Variants in CNTRL observed in about 807,000 individuals in gnomAD.
The protein encoded by CNTRL is centriolin, also known as 110 kDa centrosomal protein.
CNTRL carries 233 observed loss-of-function variants against 303.7 expected under a neutral mutation model. The ratio of observed to expected loss-of-function variants is 0.77; its 90% CI spans 0.69 to 0.86. CNTRL has a LOEUF of 0.86. Ranked by LOEUF, CNTRL falls within the 40% of genes least tolerant of loss-of-function variation. CNTRL has a pLI of 0.00. For missense variants in CNTRL, 2,524 were observed against 2,650.6 expected (o/e 0.95, Z 1.05); for synonymous variants, 900 against 922.2 (o/e 0.98, Z 0.44).
At chr9:121,093,884 A>T (rs1486953936) in intron 4 of CNTRL, among the ~76,000 whole-genome samples, 3 of 152,254 alleles carry the variant, frequency 2.0e-5, no homozygotes, top group Non-Finnish European at 4.4e-5. Context: ...CAAGAGCATA[A>T]GTACTTGATT....
intron 16 of CNTRL, among the ~76,000 whole-genome samples, chr9:121,139,425 A>T (rs922737870): frequency 6.6e-6 from 1 of 152,168 alleles, no homozygotes; most frequent in African/African-American, 2.4e-5. Context: ...GTTCCAAAAA[A>T]AACTACGTAG....
chr9:121,122,873 G>C (rs551429386), intron 12 of CNTRL, among the ~76,000 whole-genome samples: 2 of 152,190 alleles, frequency 1.3e-5, no homozygotes, highest in African/African-American at 4.8e-5. Flanking sequence ...TTCCACCATG[G>C]GTTAAGTGTA....
At chr9:121,125,489 C>G (rs2050467215) in intron 13 of CNTRL, among the ~76,000 whole-genome samples, 1 of 152,128 alleles carries the variant, frequency 6.6e-6, no homozygotes, top group Non-Finnish European at 1.5e-5. Context: ...ATGAATCAGG[C>G]ATTTTATAAG....
At chr9:121,094,471 A>G (rs2132478102) in intron 4 of CNTRL, among the ~76,000 whole-genome samples, 1 of 152,310 alleles carries the variant, frequency 6.6e-6, no homozygotes, top group South Asian at 2.1e-4. Flanking sequence ...TAATCACCAC[A>G]TGAAGGTCTC....
intron 1 of CNTRL, among the ~76,000 whole-genome samples, chr9:121,078,459 C>T (rs540596572): frequency 6.6e-4 from 100 of 152,278 alleles, no homozygotes; most frequent in South Asian, 1.5e-3. Context: ...CTCAATTTCT[C>T]CCACTATACG....
At chr9:121,171,635 C>T in intron 40 of CNTRL, 87 bp downstream of exon 40, 1 of 1,361,190 alleles carries the variant, frequency 7.3e-7, no homozygotes, top group East Asian at 2.5e-5. Flanking sequence ...AATATCCCTT[C>T]TATAGTAGTA....
In CNTRL at chr9:121,141,471, A is replaced by C. The variant is rs1212233668; in HGVS notation, c.2574A>C (p.Arg858Ser). 1.2e-6 allele frequency: 2 copies of C among 1,614,112 alleles called. No individual in the cohort carries two copies. Among genetic ancestry groups the C allele is most frequent in the Admixed American group, 3.3e-5 (2 of 60,022 alleles). The change falls in exon 18 of 44, where the codon AGA becomes AGC. Residue 858 changes from arginine (R) to serine (S), a missense_variant. Physicochemically the swap from Arg to Ser is moderately radical, Grantham distance 110. Transcript: ENST00000373855. ...TTCTTGCACGCTCCAAGTGGGAAAG[A>C]GATGAAGCACAAGTTAGAGAGAGAA... ...SEILARSKWE[R>S]DEAQVRERKL...
intron 14 of CNTRL, among the ~76,000 whole-genome samples, chr9:121,130,329 A>G (rs1367796270): frequency 3.3e-5 from 5 of 152,088 alleles, no homozygotes; most frequent in Non-Finnish European, 5.9e-5. Context: ...GTCTATTCAG[A>G]GATTCAACTT....
intron 25 of CNTRL, 100 bp from the exon 26 acceptor site, chr9:121,152,385 T>G: frequency 1.1e-6 from 1 of 930,152 alleles, no homozygotes; most frequent in Non-Finnish European, 1.7e-6. Flanking sequence ...TTTGGGCCAT[T>G]GATACCACTT....
At chr9:121,132,523 G>C (rs991371252) in intron 14 of CNTRL, among the ~76,000 whole-genome samples, 5 of 152,088 alleles carry the variant, frequency 3.3e-5, no homozygotes, top group African/African-American at 1.2e-4. Context: ...ATTCTAATTA[G>C]CCATTCGTCT....
At chr9:121,154,687 AC>A (rs1277570373) in intron 26 of CNTRL, 33 bp from the exon 27 acceptor site, 1 of 1,328,472 alleles carries the variant, frequency 7.5e-7, no homozygotes, top group South Asian at 1.2e-5. Context: ...TCTACATTTA[AC>A]ATTTTTTAAT....
rs2053463375 is a variant in CNTRL at position 121,175,055 on chromosome 9, TATTA to T, written c.6791_6794del (p.Ile2264LysfsTer13). The T allele has an allele frequency of 5.0e-6, 8 of 1,613,790 alleles. No individual in the cohort carries two copies. The highest frequency in any genetic ancestry group is 1.1e-5 in the South Asian group (1 of 91,074). On this transcript the variant is annotated frameshift_variant, in exon 43 of 44. Coordinates refer to ENST00000373855, the MANE Select transcript of CNTRL (RefSeq NM_007018.6). LOFTEE classifies it high-confidence loss of function. ...CACTGTATGTCCAAGCAAGCAGAAG[TATTA>T]ATTAAAGGAAAGCGGCAGACAGAGG...
At chr9:121,131,770 C>T (rs3983879) in intron 14 of CNTRL, among the ~76,000 whole-genome samples, 58,486 of 151,956 alleles carry the variant, frequency 0.38, 12,680 homozygotes, top group South Asian at 0.64. Flanking sequence ...GTGGCTGGTA[C>T]GGGTTGTTCC....
chr9:121,134,757 C>G (rs1160089476), intron 14 of CNTRL, among the ~76,000 whole-genome samples: 1 of 152,138 alleles, frequency 6.6e-6, no homozygotes. Context: ...TAACTTGTAT[C>G]TCTATGTTCT....
In CNTRL at chr9:121,145,298, C is replaced by A; in HGVS notation, c.3223C>A (p.Leu1075Ile). Residue 1075 changes from leucine to isoleucine, a missense_variant, in exon 22 of 44, where the codon CTA becomes ATA. Transcript: ENST00000373855. ...AGGTACTGGAGCAAACTCACAGGTCCTAGAAATTGAGAAACTGAATGAGAC... is the reference window on the plus strand; with the variant it reads ...AGGTACTGGAGCAAACTCACAGGTCATAGAAATTGAGAAACTGAATGAGAC... ...GVGTGANSQV[L>I]EIEKLNETME... 3.7e-6 allele frequency: 6 copies of A among 1,613,920 alleles called. No individual in the cohort carries two copies. Among genetic ancestry groups the A allele is most frequent in the Non-Finnish European group, 5.1e-6 (6 of 1,179,934 alleles).
chr9:121,143,014 C>T (rs1223176213), intron 19 of CNTRL, among the ~76,000 whole-genome samples: 1 of 152,158 alleles, frequency 6.6e-6, no homozygotes, highest in Non-Finnish European at 1.5e-5. Context: ...GCCAGCACTT[C>T]CACTGGTTGT....
chr9:121,121,700 G>A (rs764110754), intron 12 of CNTRL: 38 of 787,432 alleles, frequency 4.8e-5, no homozygotes, highest in Admixed American at 6.2e-5. Context: ...CCTGTGTTAT[G>A]ATTTAACTCG....
rs530969329 is a variant in CNTRL, at chr9:121,083,919, T to C, written c.-32+3441T>C. Among the ~76,000 whole-genome samples the C allele has an allele frequency of 3.3e-5, 5 of 152,366 alleles. No individual in the cohort carries two copies. In the South Asian group the frequency reaches 1.0e-3, roughly 32 times the overall value. On this transcript the variant is annotated intron_variant, in intron 2 of 43. Transcript: ENST00000373855. Reference sequence around the variant, plus strand: ...GGTCCGTTGTTGACCAAAACATTGTTATGTGATGCGTGACTGTATGTATTT... The same window carrying C: ...GGTCCGTTGTTGACCAAAACATTGTCATGTGATGCGTGACTGTATGTATTT...
intron 11 of CNTRL, among the ~76,000 whole-genome samples, chr9:121,117,964 GC>G (rs566974341): frequency 1.6e-4 from 24 of 151,122 alleles, no homozygotes; most frequent in African/African-American, 4.4e-4. Context: ...GGGCGACAGA[GC>G]AAGACTCCGT....
Sources: allele counts gnomAD v4.1 joint callset (sites outside exome capture counted in the v4.1 genomes callset), GRCh38; gene constraint gnomAD v4.1.1; transcripts MANE v1.5; gene names NCBI Gene and HGNC (gene_info 2026-07-23, HGNC 2026-07-21).